Variants in MTSS1 observed in about 807,000 individuals in gnomAD.
MTSS1 encodes the protein protein MTSS 1.
A neutral mutation model predicts 79.0 loss-of-function variants in MTSS1; 18 were observed. The observed-to-expected ratio is 0.23, with a 90% CI of 0.16 to 0.34. MTSS1 has a LOEUF of 0.34. MTSS1 is among the 10% of genes least tolerant of loss of function. MTSS1 has a pLI of 1.00. For synonymous variants in MTSS1, 341 were observed against 368.6 expected (o/e 0.93, Z 0.86); for missense variants, 815 against 986.2 (o/e 0.83, Z 2.33).
At position 124,696,442 on chromosome 8, in the gene MTSS1, T is replaced by C. The variant is rs145099880; in HGVS notation, c.208+3084A>G. Reference sequence around the variant, plus strand: ...CTTCTTTCTATCACCCATATACTTTTAGGTTATTTGAGAGTTCTCACACTC... The same window carrying C: ...CTTCTTTCTATCACCCATATACTTTCAGGTTATTTGAGAGTTCTCACACTC... On this transcript the variant is annotated intron_variant, in intron 3 of 13. Coordinates refer to ENST00000518547, the MANE Select transcript of MTSS1 (RefSeq NM_014751.6). Among the ~76,000 whole-genome samples the C allele has an allele frequency of 2.2e-3, 291 of 129,788 alleles. 2 individuals carry two copies. The highest frequency in any genetic ancestry group is 7.1e-3 in the African/African-American group (278 of 39,110). The allele number at this position is 129,788 out of a possible 152,430, so 85.1% of individuals were successfully genotyped here.
intron 3 of MTSS1, among the ~76,000 whole-genome samples, chr8:124,607,115 G>A (rs1027631808): frequency 3.3e-5 from 5 of 152,322 alleles, no homozygotes; most frequent in Middle Eastern, 3.4e-3. Flanking sequence ...AGTGGAACCA[G>A]GCAGACATGC....
chr8:124,672,904 T>C (rs972025727), intron 3 of MTSS1, among the ~76,000 whole-genome samples: 2 of 151,094 alleles, frequency 1.3e-5, no homozygotes, highest in Admixed American at 1.3e-4. Context: ...CACACACACA[T>C]GCACACATAT....
At chr8:124,602,081 C>A (rs1243325185) in intron 3 of MTSS1, among the ~76,000 whole-genome samples, 1 of 150,846 alleles carries the variant, frequency 6.6e-6, no homozygotes, top group Non-Finnish European at 1.5e-5. Context: ...CTTTTGGCTT[C>A]CCTGGGCCAC....
At chr8:124,712,053 T>C (rs890611759) in intron 1 of MTSS1, among the ~76,000 whole-genome samples, 20 of 138,258 alleles carry the variant, frequency 1.4e-4, no homozygotes, top group African/African-American at 5.4e-4. Context: ...CAACAAAGAG[T>C]GGGTAGAAAA....
intron 3 of MTSS1, among the ~76,000 whole-genome samples, chr8:124,694,354 TG>T (rs1828458463): frequency 6.6e-6 from 1 of 152,084 alleles, no homozygotes; most frequent in Admixed American, 6.6e-5. Flanking sequence ...ATTACTTTCA[TG>T]GTTTTGAACA....
chr8:124,689,343 G>A (rs1827552094), intron 3 of MTSS1, among the ~76,000 whole-genome samples: 1 of 151,990 alleles, frequency 6.6e-6, no homozygotes, highest in African/African-American at 2.4e-5. Context: ...GTATCTTCAA[G>A]TTCACATTTA....
At chr8:124,559,543 G>A (rs1239809438) in intron 10 of MTSS1, among the ~76,000 whole-genome samples, 1 of 152,158 alleles carries the variant, frequency 6.6e-6, no homozygotes, top group African/African-American at 2.4e-5. Context: ...GGTCTCATTT[G>A]GGAAACCATC....
At chr8:124,656,023 T>C (rs978032330) in intron 3 of MTSS1, among the ~76,000 whole-genome samples, 5 of 152,194 alleles carry the variant, frequency 3.3e-5, no homozygotes, top group African/African-American at 1.2e-4. Flanking sequence ...TCTTTGAACT[T>C]GGAATGATAT....
At chr8:124,631,202 A>G (rs1005926652) in intron 3 of MTSS1, among the ~76,000 whole-genome samples, 3 of 152,198 alleles carry the variant, frequency 2.0e-5, no homozygotes, top group Non-Finnish European at 4.4e-5. Flanking sequence ...GGGACAGGCC[A>G]GGTCTCCTGG....
At chr8:124,694,787 C>T (rs1227994140) in intron 3 of MTSS1, among the ~76,000 whole-genome samples, 1 of 152,148 alleles carries the variant, frequency 6.6e-6, no homozygotes, top group Non-Finnish European at 1.5e-5. Flanking sequence ...AGAGACCCTG[C>T]TCCACAAAGC....
At chr8:124,664,852 G>A (rs1405162107) in intron 3 of MTSS1, among the ~76,000 whole-genome samples, 1 of 152,146 alleles carries the variant, frequency 6.6e-6, no homozygotes, top group Non-Finnish European at 1.5e-5. Flanking sequence ...AGTAACACTA[G>A]GAAGTAGACT....
At chr8:124,619,415 C>A (rs1218748707) in intron 3 of MTSS1, 1 of 152,488 alleles carries the variant, frequency 6.6e-6, no homozygotes, top group Non-Finnish European at 1.5e-5. Flanking sequence ...CTAAACCAGA[C>A]CCCTGTGCCC....
chr8:124,612,276 C>T (rs950059848), intron 3 of MTSS1, among the ~76,000 whole-genome samples: 19 of 152,170 alleles, frequency 1.2e-4, no homozygotes, highest in African/African-American at 4.6e-4. Context: ...GCAGACACAT[C>T]CTCATTACAG....
At chr8:124,646,275 A>T (rs1818983613) in intron 3 of MTSS1, among the ~76,000 whole-genome samples, 1 of 152,370 alleles carries the variant, frequency 6.6e-6, no homozygotes, top group Non-Finnish European at 1.5e-5. Flanking sequence ...ATCTTTAGCC[A>T]GTTACATACT....
intron 3 of MTSS1, among the ~76,000 whole-genome samples, chr8:124,622,060 A>AAGAGAG (rs55869660): frequency 0.024 from 2,630 of 110,000 alleles, 43 homozygotes; most frequent in Admixed American, 0.045. Context: ...CAGAAAGAGA[A>AAGAGAG]AGAGAGAGAG....
intron 10 of MTSS1, 65 bp from the exon 11 acceptor site, chr8:124,557,940 G>C: frequency 9.4e-6 from 12 of 1,281,462 alleles, no homozygotes; most frequent in Non-Finnish European, 1.3e-5. Context: ...TGAGTGCGGA[G>C]ATACAAAATG....
At chr8:124,641,216 T>A (rs1817984335) in intron 3 of MTSS1, among the ~76,000 whole-genome samples, 1 of 152,098 alleles carries the variant, frequency 6.6e-6, no homozygotes, top group Admixed American at 6.6e-5. Context: ...AAGACCACAG[T>A]CACTTTGGCC....
At chr8:124,614,589 G>A (rs926908171) in intron 3 of MTSS1, among the ~76,000 whole-genome samples, 2 of 152,220 alleles carry the variant, frequency 1.3e-5, no homozygotes, top group Admixed American at 1.3e-4. Flanking sequence ...AAATGGGTAT[G>A]TTTTTTCCCC....
chr8:124,664,439 T>C (rs1822674691), intron 3 of MTSS1, among the ~76,000 whole-genome samples: 1 of 152,170 alleles, frequency 6.6e-6, no homozygotes, highest in East Asian at 1.9e-4. Flanking sequence ...CCCAACCATT[T>C]CAGGTTGCAA....
Sources: allele counts gnomAD v4.1 joint callset (sites outside exome capture counted in the v4.1 genomes callset), GRCh38; gene constraint gnomAD v4.1.1; transcripts MANE v1.5; gene names NCBI Gene and HGNC (gene_info 2026-07-23, HGNC 2026-07-21).